The following PRKG1 variants were observed in gnomAD, a reference collection of about 807,000 sequenced individuals.
The protein encoded by PRKG1 is protein kinase cGMP-dependent 1.
PRKG1 carries 35 observed loss-of-function variants against 88.1 expected under a neutral mutation model. The ratio of observed to expected loss-of-function variants is 0.40; its 90% confidence interval spans 0.30 to 0.53. The LOEUF (loss-of-function observed/expected upper bound fraction) is 0.53, where lower values mean the gene tolerates loss of function less well. Among genes scored for constraint, PRKG1 ranks in the 20% least tolerant of loss-of-function variants. The probability of loss-of-function intolerance (pLI) is 0.59; values close to 1 mark genes in which losing one functional copy is unlikely to be tolerated. For missense variants in PRKG1, 540 were observed against 839.8 expected (o/e 0.64, Z 4.41); for synonymous variants, 303 against 292.5 (o/e 1.04, Z -0.37).
chr10:51,215,982 T>C (rs1016510230), intron 2 of PRKG1, among the ~76,000 whole-genome samples: 2 of 152,166 alleles, frequency 1.3e-5, no homozygotes, highest in Non-Finnish European at 2.9e-5. Flanking sequence ...AGCCTTGAAA[T>C]GACATAGAAA....
Position 52,114,869 on chromosome 10 carries a change from G to A in PRKG1, c.936-18971G>A, listed in dbSNP as rs567282973. On this transcript the variant is annotated intron_variant, in intron 7 of 17. Coordinates refer to ENST00000373980, the MANE Select transcript of PRKG1 (RefSeq NM_006258.4). ...GCACGTCAGCATTCATAGAGAAGTGGCTGTGAATGGAGCATTGTAAAGGAA... is the reference window on the plus strand; with the variant it reads ...GCACGTCAGCATTCATAGAGAAGTGACTGTGAATGGAGCATTGTAAAGGAA... Among the ~76,000 whole-genome samples the A allele has an allele frequency of 6.6e-5, 10 of 151,392 alleles. No individual in the cohort carries two copies. The South Asian group carries it at 2.1e-3, about 31-fold the overall frequency.
chr10:51,239,677 C>T (rs1204686930), intron 2 of PRKG1, among the ~76,000 whole-genome samples: 1 of 152,080 alleles, frequency 6.6e-6, no homozygotes, highest in African/African-American at 2.4e-5. Context: ...TTCTACTTTT[C>T]TGTAATGAAA....
rs375154309 is a variant in PRKG1, at chr10:51,082,366, T to C, written c.311+7465T>C. Among the ~76,000 whole-genome samples the C allele has an allele frequency of 6.8e-4, 103 of 152,234 alleles. 1 individual carries two copies. Among genetic ancestry groups the C allele is most frequent in the African/African-American group, 2.3e-3 (94 of 41,542 alleles). ...GGAAGCAGAAGGACTCTGGGACTAGTGGAAGAAATAATGTAGGACGGCGGT... is the reference window on the plus strand; with the variant it reads ...GGAAGCAGAAGGACTCTGGGACTAGCGGAAGAAATAATGTAGGACGGCGGT... On this transcript the variant is annotated intron_variant, in intron 1 of 17. Transcript: ENST00000373980.
chr10:51,043,798 T>G (rs1023546215), intron 1 of PRKG1, among the ~76,000 whole-genome samples: 4 of 152,134 alleles, frequency 2.6e-5, no homozygotes, highest in African/African-American at 9.7e-5. Flanking sequence ...ATGTTGAAAT[T>G]TCTCTGGGAA....
At chr10:51,972,033 C>G (rs1480740129) in intron 5 of PRKG1, among the ~76,000 whole-genome samples, 1 of 152,052 alleles carries the variant, frequency 6.6e-6, no homozygotes, top group Admixed American at 6.6e-5. Flanking sequence ...CTTTCTGTTT[C>G]CTGTCTTATT....
intron 3 of PRKG1, among the ~76,000 whole-genome samples, chr10:51,636,969 G>T (rs1182200979): frequency 6.6e-6 from 1 of 152,134 alleles, no homozygotes; most frequent in Non-Finnish European, 1.5e-5. Flanking sequence ...AAATTGGATT[G>T]GCTATAGACA....
chr10:51,861,045 T>C (rs766679017), intron 4 of PRKG1, among the ~76,000 whole-genome samples: 60 of 152,192 alleles, frequency 3.9e-4, no homozygotes, highest in Non-Finnish European at 7.8e-4. Context: ...GCTAAGCCCT[T>C]TTACCAATAT....
intron 5 of PRKG1, among the ~76,000 whole-genome samples, chr10:51,961,198 T>A (rs1843438918): frequency 6.6e-6 from 1 of 152,120 alleles, no homozygotes; most frequent in Non-Finnish European, 1.5e-5. Flanking sequence ...GGGGGAGGAT[T>A]GGTTTCAGGA....
chr10:51,936,049 A>T (rs1049674100), intron 5 of PRKG1, among the ~76,000 whole-genome samples: 1 of 151,928 alleles, frequency 6.6e-6, no homozygotes, highest in African/African-American at 2.4e-5. Flanking sequence ...ATTTTATTGA[A>T]TGGCAATATT....
rs1175492617 is a variant in PRKG1 at position 51,034,653 on chromosome 10, TATATA to T, written c.266+43014_266+43018del. Among the ~76,000 whole-genome samples the T allele has an allele frequency of 4.4e-4, 33 of 74,978 alleles. No homozygotes were observed. The Admixed American group carries it at 5.0e-3, about 11-fold the overall frequency. 49.2% of individuals were successfully genotyped at this position (74,978 alleles called of 152,430 possible). On this transcript the variant is annotated intron_variant, in intron 1 of 17. Coordinates refer to the PRKG1 transcript ENST00000401604. ...CTAAACAATCAAATAAGCAAAATTA[TATATA>T]ATATGTTATTTATATATATATATAT... is the stretch of plus-strand genomic sequence containing the variant.
chr10:51,197,087 G>T (rs1360046203), intron 2 of PRKG1, among the ~76,000 whole-genome samples: 6 of 151,866 alleles, frequency 4.0e-5, no homozygotes, highest in East Asian at 1.9e-4. Flanking sequence ...GGCTTTAATT[G>T]GTACAGTACC....
intron 1 of PRKG1, among the ~76,000 whole-genome samples, chr10:51,031,483 T>C (rs760225753): frequency 6.6e-6 from 1 of 152,110 alleles, no homozygotes; most frequent in African/African-American, 2.4e-5. Flanking sequence ...ATAGATATTA[T>C]TTATTATCTA....
intron 2 of PRKG1, among the ~76,000 whole-genome samples, chr10:51,280,205 T>C (rs1426001268): frequency 3.9e-5 from 6 of 152,238 alleles, no homozygotes; most frequent in Non-Finnish European, 7.3e-5. Context: ...GCCCCCACTC[T>C]CTACTGGCTT....
chr10:51,204,010 GAA>G (rs1190451064), intron 2 of PRKG1, among the ~76,000 whole-genome samples: 1 of 152,172 alleles, frequency 6.6e-6, no homozygotes, highest in Non-Finnish European at 1.5e-5. Flanking sequence ...AAATAGGAAA[GAA>G]AAGATTTATT....
At chr10:51,420,274 ACCT>A (rs1838372187) in intron 2 of PRKG1, among the ~76,000 whole-genome samples, 1 of 151,992 alleles carries the variant, frequency 6.6e-6, no homozygotes, top group African/African-American at 2.4e-5. Context: ...ATCTGAATAG[ACCT>A]CCTTCTCTTG....
At chr10:51,143,100 T>A (rs1312354488) in intron 1 of PRKG1, among the ~76,000 whole-genome samples, 2 of 152,038 alleles carry the variant, frequency 1.3e-5, no homozygotes, top group Non-Finnish European at 2.9e-5. Flanking sequence ...ACTGTAATTA[T>A]GTAAACTGTG....
At chr10:51,620,721 T>A (rs535341730) in intron 3 of PRKG1, among the ~76,000 whole-genome samples, 1 of 152,152 alleles carries the variant, frequency 6.6e-6, no homozygotes, top group South Asian at 2.1e-4. Flanking sequence ...CAGGTAATCC[T>A]CACGATGACT....
chr10:51,685,993 G>T (rs1271345552), intron 3 of PRKG1, among the ~76,000 whole-genome samples: 1 of 152,100 alleles, frequency 6.6e-6, no homozygotes, highest in African/African-American at 2.4e-5. Context: ...GGCATGGGCT[G>T]AGTCACTGAC....
chr10:51,034,408 A>C (rs2132749891), intron 1 of PRKG1, among the ~76,000 whole-genome samples: 1 of 152,134 alleles, frequency 6.6e-6, no homozygotes, highest in African/African-American at 2.4e-5. Flanking sequence ...AGTGTGTGTC[A>C]GCAATTCTGC....
Sources: gnomAD v4.1 joint callset for allele counts (sites outside exome capture counted in the v4.1 genomes callset) on GRCh38, gnomAD v4.1.1 for gene constraint, MANE v1.5 for transcripts, NCBI Gene and HGNC (gene_info 2026-07-23, HGNC 2026-07-21) for gene names.